The following CPAP variants were observed in gnomAD, a reference collection of about 807,000 sequenced individuals.
CPAP encodes centrosome assembly and centriole elongation protein.
At chr13:24,912,289 A>G in the CPAP span, among the ~76,000 whole-genome samples, 2 of 152,222 alleles carry the variant, frequency 1.3e-5, no homozygotes, top group Non-Finnish European at 2.9e-5. Context: ...AAACAGTCAT[A>G]TAAATCCTTT....
chr13:24,913,485 G>A, the CPAP span, among the ~76,000 whole-genome samples: 1 of 151,912 alleles, frequency 6.6e-6, no homozygotes, highest in African/African-American at 2.4e-5. Flanking sequence ...CCCAGTTGGT[G>A]AACCTGTTTT....
At chr13:24,910,032 G>A in the CPAP span, 2 of 1,613,800 alleles carry the variant, frequency 1.2e-6, no homozygotes, top group East Asian at 2.2e-5. Flanking sequence ...TCCAGTGGTG[G>A]TATTTCCTGG....
chr13:24,902,820 T>A, the CPAP span, among the ~76,000 whole-genome samples: 12 of 152,112 alleles, frequency 7.9e-5, no homozygotes, highest in African/African-American at 2.9e-4. Context: ...TTGGGTGAAT[T>A]TCAGCATTTG....
the CPAP span, among the ~76,000 whole-genome samples, chr13:24,921,665 T>C: frequency 2.0e-5 from 3 of 152,122 alleles, no homozygotes; most frequent in Non-Finnish European, 4.4e-5. Flanking sequence ...CTTTGCTTAA[T>C]TTCAATGACC....
chr13:24,896,818 C>T, the CPAP span, among the ~76,000 whole-genome samples: 1 of 152,082 alleles, frequency 6.6e-6, no homozygotes, highest in African/African-American at 2.4e-5. Flanking sequence ...TATCTCTAAT[C>T]CTAGGAGATC....
the CPAP span, among the ~76,000 whole-genome samples, chr13:24,908,397 G>A: frequency 7.7e-6 from 1 of 129,654 alleles, no homozygotes; most frequent in Admixed American, 9.3e-5. Context: ...CCAGGAATTC[G>A]AGCCCAGCCT....
At chr13:24,916,336 A>C in the CPAP span, among the ~76,000 whole-genome samples, 2 of 152,198 alleles carry the variant, frequency 1.3e-5, no homozygotes, top group African/African-American at 4.8e-5. Flanking sequence ...AAGGAAAATG[A>C]AAAAGGGCAA....
the CPAP span, among the ~76,000 whole-genome samples, chr13:24,931,605 T>C: frequency 6.6e-6 from 1 of 152,238 alleles, no homozygotes; most frequent in Admixed American, 6.5e-5. Context: ...ATCTTCCCCA[T>C]TGCTTTATTC....
At chr13:24,887,581 A>C in the CPAP span, among the ~76,000 whole-genome samples, 1 of 152,156 alleles carries the variant, frequency 6.6e-6, no homozygotes, top group Non-Finnish European at 1.5e-5. Flanking sequence ...CCCAGATGGG[A>C]CCATCTAATT....
chr13:24,885,233 T>C, the CPAP span: 1 of 1,311,154 alleles, frequency 7.6e-7, no homozygotes, highest in South Asian at 1.2e-5. Flanking sequence ...TTAACCCATG[T>C]TTATTTTTTA....
the CPAP span, chr13:24,885,508 C>CT: frequency 4.2e-6 from 5 of 1,196,816 alleles, no homozygotes; most frequent in Admixed American, 8.5e-5. Context: ...AGTAAAAACT[C>CT]TTTTTTACAC....
chr13:24,884,203 G>C, the CPAP span: 1 of 1,614,140 alleles, frequency 6.2e-7, no homozygotes, highest in Non-Finnish European at 8.5e-7. Flanking sequence ...AGTCCCTCCG[G>C]GTATGTCGTG....
At chr13:24,888,778 C>A in the CPAP span, among the ~76,000 whole-genome samples, 4 of 152,202 alleles carry the variant, frequency 2.6e-5, no homozygotes, top group East Asian at 7.7e-4. Context: ...ATCTACATAG[C>A]TATTAAAATC....
chr13:24,902,328 G>A, the CPAP span, among the ~76,000 whole-genome samples: 166 of 152,280 alleles, frequency 1.1e-3, no homozygotes, highest in Admixed American at 1.8e-3. Context: ...TGTCCGTTTT[G>A]AAATAATGAA....
At chr13:24,887,761 G>A in the CPAP span, among the ~76,000 whole-genome samples, 1 of 152,168 alleles carries the variant, frequency 6.6e-6, no homozygotes, top group Non-Finnish European at 1.5e-5. Context: ...TGGAAAAATT[G>A]TCTTCCACAA....
chr13:24,885,287 G>C, the CPAP span: 1 of 1,599,902 alleles, frequency 6.3e-7, no homozygotes, highest in Non-Finnish European at 8.6e-7. Context: ...TTTCCATCAG[G>C]ATGACTGATT....
the CPAP span, chr13:24,906,003 G>A: frequency 6.2e-7 from 1 of 1,614,092 alleles, no homozygotes; most frequent in East Asian, 2.2e-5. Flanking sequence ...GTGCTCTTTT[G>A]GACGGCTTTC....
At chr13:24,900,777 A>G in the CPAP span, among the ~76,000 whole-genome samples, 1 of 152,224 alleles carries the variant, frequency 6.6e-6, no homozygotes, top group Non-Finnish European at 1.5e-5. Context: ...GAGAAAGCCA[A>G]TGGGGTCCTG....
At chr13:24,883,927 C>A in the CPAP span, 1 of 1,613,738 alleles carries the variant, frequency 6.2e-7, no homozygotes, top group Non-Finnish European at 8.5e-7. Flanking sequence ...AGGTGTCACA[C>A]TGAGTGGTTT....
Sources: gnomAD v4.1 joint callset for allele counts (sites outside exome capture counted in the v4.1 genomes callset) on GRCh38, gnomAD v4.1.1 for gene constraint, MANE v1.5 for transcripts, NCBI Gene and HGNC (gene_info 2026-07-23, HGNC 2026-07-21) for gene names.